Variants in RYR3 observed in about 807,000 individuals in gnomAD.
RYR3 encodes the protein brain ryanodine receptor-calcium release channel.
RYR3 carries 207 observed loss-of-function variants against 584.3 expected under a neutral mutation model. That is an observed-to-expected ratio of 0.35 (90% CI 0.32 to 0.40). RYR3 has a LOEUF of 0.40. Among genes scored for constraint, RYR3 ranks in the 10% least tolerant of loss-of-function variants. The pLI, the probability that RYR3 is intolerant of heterozygous loss-of-function variation, is 1.00. For missense variants in RYR3, 5,616 were observed against 6,089.2 expected (o/e 0.92, Z 2.59); for synonymous variants, 2,416 against 2,248.5 (o/e 1.07, Z -2.11).
chr15:33,424,180 C>T (rs1596072203), intron 1 of RYR3, among the ~76,000 whole-genome samples: 3 of 152,216 alleles, frequency 2.0e-5, no homozygotes, highest in South Asian at 4.1e-4. Flanking sequence ...GTCTGAGTCC[C>T]AGCTCTGCCA....
At chr15:33,730,852 C>T (rs903369990) in intron 47 of RYR3, among the ~76,000 whole-genome samples, 16 of 152,358 alleles carry the variant, frequency 1.1e-4, no homozygotes, top group South Asian at 2.1e-4. Flanking sequence ...TCCTTTTCCA[C>T]GTTGCCCATG....
At chr15:33,382,415 C>A (rs112120185) in intron 1 of RYR3, among the ~76,000 whole-genome samples, 2 of 149,438 alleles carry the variant, frequency 1.3e-5, no homozygotes, top group African/African-American at 5.0e-5. Context: ...CTTCCGCCTC[C>A]TGGGTTCAAG....
chr15:33,556,851 GT>G (rs550157393), intron 10 of RYR3, among the ~76,000 whole-genome samples: 2 of 151,958 alleles, frequency 1.3e-5, no homozygotes, highest in South Asian at 2.1e-4. Context: ...CGGTAGAGTT[GT>G]TTTTTTTCCC....
intron 55 of RYR3, 57 bp from the exon 56 acceptor site, chr15:33,749,922 G>A: frequency 6.6e-7 from 1 of 1,520,026 alleles, no homozygotes; most frequent in Non-Finnish European, 9.0e-7. Context: ...TAGCAGCTAT[G>A]AAGCCAGCTT....
At chr15:33,405,645 A>G (rs1469815395) in intron 1 of RYR3, among the ~76,000 whole-genome samples, 1 of 152,242 alleles carries the variant, frequency 6.6e-6, no homozygotes, top group Admixed American at 6.5e-5. Context: ...AGGCACGTTG[A>G]TAGTAATGAT....
chr15:33,528,058 G>T (rs769919653), intron 3 of RYR3, among the ~76,000 whole-genome samples: 23 of 152,158 alleles, frequency 1.5e-4, no homozygotes, highest in Non-Finnish European at 2.8e-4. Context: ...TGCTTTCATG[G>T]AAACGGAATG....
At chr15:33,494,423 A>T (rs181072936) in intron 2 of RYR3, among the ~76,000 whole-genome samples, 20 of 152,270 alleles carry the variant, frequency 1.3e-4, no homozygotes, top group African/African-American at 3.6e-4. Context: ...AACAGCAATC[A>T]TTCTGCTCAT....
At chr15:33,834,753 T>C (rs2077930457) in intron 86 of RYR3, among the ~76,000 whole-genome samples, 1 of 152,260 alleles carries the variant, frequency 6.6e-6, no homozygotes, top group Non-Finnish European at 1.5e-5. Context: ...TGAAAATCAC[T>C]GGACTGTGAA....
intron 52 of RYR3, among the ~76,000 whole-genome samples, chr15:33,743,535 A>G (rs886370710): frequency 1.3e-5 from 2 of 152,236 alleles, no homozygotes; most frequent in African/African-American, 4.8e-5. Context: ...GGGCATAGCC[A>G]GGTGGCCCTT....
At chr15:33,432,916 C>T (rs906988727) in intron 1 of RYR3, among the ~76,000 whole-genome samples, 1 of 151,684 alleles carries the variant, frequency 6.6e-6, no homozygotes, top group African/African-American at 2.4e-5. Context: ...TCAATACAAT[C>T]CAACTCTTTG....
At chr15:33,840,617 G>A in intron 89 of RYR3, 1 of 597,650 alleles carries the variant, frequency 1.7e-6, no homozygotes, top group Non-Finnish European at 3.0e-6. Context: ...GGGAGGTTGA[G>A]TTTTCAAGTT....
intron 1 of RYR3, among the ~76,000 whole-genome samples, chr15:33,411,717 T>C (rs1413656402): frequency 6.6e-6 from 1 of 152,218 alleles, no homozygotes; most frequent in Non-Finnish European, 1.5e-5. Flanking sequence ...TGAGGGTATC[T>C]GAGGTTTGGA....
intron 1 of RYR3, among the ~76,000 whole-genome samples, chr15:33,376,761 A>G (rs1401013981): frequency 6.6e-6 from 1 of 152,212 alleles, no homozygotes; most frequent in African/African-American, 2.4e-5. Context: ...GAACTTTCAC[A>G]TCCATGTCTG....
chr15:33,555,116 C>T lies in RYR3; in HGVS notation c.972+4800C>T, dbSNP rs532592624. Among the ~76,000 whole-genome samples, 9 of 152,270 alleles carry T rather than the reference C, an allele frequency of 5.9e-5. No individual in the cohort carries two copies. In the East Asian group the frequency reaches 1.7e-3, roughly 29 times the overall value. The stretch of plus-strand genomic sequence containing the variant: ...AAAACATTAAATTCAGTTTAGTAAA[C>T]ATTTGTGAAACATCTATGTGCTAAG... On this transcript the variant is annotated intron_variant, in intron 10 of 103. Coordinates refer to ENST00000634891, the MANE Select transcript of RYR3 (RefSeq NM_001036.6).
chr15:33,534,294 A>G (rs910419120), intron 5 of RYR3, among the ~76,000 whole-genome samples: 1 of 152,182 alleles, frequency 6.6e-6, no homozygotes, highest in Non-Finnish European at 1.5e-5. Flanking sequence ...CCAGCTACTC[A>G]GGAGGCTGAG....
chr15:33,677,935 C>G (rs1345353867), intron 38 of RYR3, among the ~76,000 whole-genome samples: 2 of 152,142 alleles, frequency 1.3e-5, no homozygotes, highest in East Asian at 3.9e-4. Flanking sequence ...GGCTCCATAT[C>G]CACTACGCCT....
At position 33,739,887 on chromosome 15, in the gene RYR3, G is replaced by C. The variant is rs1202135462; in HGVS notation, c.7712G>C (p.Gly2571Ala). 6.2e-7 allele frequency: 1 copy of C among 1,613,706 alleles called. No individual in the cohort carries two copies. Among genetic ancestry groups the C allele is most frequent in the East Asian group, 2.2e-5 (1 of 44,860 alleles). ...MALPCLSAIA[G>A]ALPPDYLDTR... is the part of the protein sequence containing the mutation. ...CTGCCTTGTCTCAGTGCTATAGCTG[G>C]GGCCTTGCCACCAGATTATTTAGAT... The change falls in exon 51 of 104, where the codon GGG (glycine) becomes GCG (alanine). Residue 2571 changes from glycine (G) to alanine (A), a missense_variant. Gly to Ala is a moderately conservative substitution (Grantham distance 60). This residue lies in a region of RYR3 where 1,280 missense variants were observed against 1,426.2 expected (regional missense o/e 0.90). Coordinates refer to ENST00000634891, the MANE Select transcript of RYR3 (RefSeq NM_001036.6).
At chr15:33,734,436 A>G (rs1326646431) in intron 48 of RYR3, among the ~76,000 whole-genome samples, 1 of 152,156 alleles carries the variant, frequency 6.6e-6, no homozygotes, top group African/African-American at 2.4e-5. Flanking sequence ...GTAAATAATG[A>G]GTTTACACAA....
chr15:33,719,177 C>G (rs576645136), intron 43 of RYR3, among the ~76,000 whole-genome samples: 3 of 152,232 alleles, frequency 2.0e-5, no homozygotes, highest in Non-Finnish European at 2.9e-5. Context: ...TTAGAGCGTG[C>G]TCTGCATTCT....
Sources: allele counts gnomAD v4.1 joint callset (sites outside exome capture counted in the v4.1 genomes callset), GRCh38; gene constraint gnomAD v4.1.1; regional missense constraint gnomAD v4.1.1; transcripts MANE v1.5; gene names NCBI Gene and HGNC (gene_info 2026-07-23, HGNC 2026-07-21).